The following ATG2B variants were observed in gnomAD, a reference collection of about 807,000 sequenced individuals.
ATG2B encodes autophagy related 2B, also known as autophagy-related protein 2 homolog B.
Under a neutral mutation model 241.3 loss-of-function variants are expected in ATG2B, and 121 were observed. The observed-to-expected ratio is 0.50, with a 90% CI of 0.43 to 0.58. ATG2B has a LOEUF of 0.58. Among genes scored for constraint, ATG2B ranks in the 20% least tolerant of loss-of-function variants. The pLI is 0.00. For synonymous variants in ATG2B, 858 were observed against 876.6 expected (o/e 0.98, Z 0.37); for missense variants, 2,306 against 2,491.6 (o/e 0.93, Z 1.59).
rs1888127683 is a variant in ATG2B at position 96,344,730 on chromosome 14, T to C, written c.505A>G (p.Ile169Val). ...TVLRRVKVTF[I>V]DTVLRIEHVP... is the part of the protein sequence containing the mutation. ...TGTTCAATTCTCAAAACAGTATCTA[T>C]AAAAGTGACTTTTACTCTTCTTAGT... is the stretch of plus-strand genomic sequence containing the variant. Residue 169 changes from isoleucine to valine, a missense_variant, in exon 4 of 42, where the codon ATA becomes GTA. Physicochemically the swap from Ile to Val is conservative, Grantham distance 29. Around this residue, in one of 2 missense-constraint regions of ATG2B, gnomAD observed 1,927 missense variants for 2,011.2 expected, o/e 0.96. Transcript: ENST00000359933. 8 of 1,596,102 alleles carry C rather than the reference T, an allele frequency of 5.0e-6. No homozygotes were observed. The highest frequency in any genetic ancestry group is 6.8e-6 in the Non-Finnish European group (8 of 1,169,796).
chr14:96,286,248 C>T (rs1323009406), intron 41 of ATG2B, among the ~76,000 whole-genome samples: 1 of 152,126 alleles, frequency 6.6e-6, no homozygotes, highest in Non-Finnish European at 1.5e-5. Flanking sequence ...TAAAATTTCG[C>T]ATTGGGAAGA....
rs113781958 is a variant in ATG2B, at chr14:96,329,648, T to C, written c.1731-14A>G. On this transcript the variant is annotated splice_polypyrimidine_tract_variant and intron_variant, in intron 11 of 41. Coordinates refer to ENST00000359933, the MANE Select transcript of ATG2B (RefSeq NM_018036.7). Reference sequence around the variant, plus strand: ...GTACCTATAAATCTATTATAAAAAATGCACCATTTAAGATTATTAGTGTTA... The same window carrying C: ...GTACCTATAAATCTATTATAAAAAACGCACCATTTAAGATTATTAGTGTTA... The C allele has an allele frequency of 2.0e-3, 3,102 of 1,553,720 alleles. 63 individuals carry two copies. In the African/African-American group the frequency reaches 0.037, roughly 19 times the overall value.
At position 96,284,502 on chromosome 14, in the gene ATG2B, G is replaced by A. The variant is rs1242823997; in HGVS notation, c.*1253C>T. The A allele has an allele frequency of 6.6e-6, 1 of 152,180 alleles. No individual in the cohort carries two copies. Among genetic ancestry groups the A allele is most frequent in the Non-Finnish European group, 1.5e-5 (1 of 68,034 alleles). The allele number at this position is 152,180 out of a possible 1,614,324, so 9.4% of individuals were successfully genotyped here. ...ATATTCCCCCAACTTTAGAAAACAG[G>A]AAGTCAGGTCATGCAACTTTCAACA... is the stretch of plus-strand genomic sequence containing the variant. On this transcript the variant is annotated 3_prime_UTR_variant, in exon 42 of 42. Coordinates refer to ENST00000359933, the MANE Select transcript of ATG2B (RefSeq NM_018036.7).
intron 11 of ATG2B, 140 bp downstream of exon 11, chr14:96,331,231 TCATTC>T: frequency 1.3e-6 from 1 of 795,070 alleles, no homozygotes; most frequent in Non-Finnish European, 2.0e-6. Flanking sequence ...AAAACTTCAC[TCATTC>T]CATTCATTTA....
Position 96,303,113 on chromosome 14 carries a change from A to G in ATG2B, c.4985T>C (p.Phe1662Ser), listed in dbSNP as rs1279849583. The G allele has an allele frequency of 5.0e-6, 8 of 1,612,072 alleles. No homozygotes were observed. The highest frequency in any genetic ancestry group is 6.8e-6 in the Non-Finnish European group (8 of 1,179,136). The change falls in exon 33 of 42, where the codon TTT becomes TCT. Residue 1662 changes from phenylalanine to serine, a missense_variant. By Grantham distance (155) the Phe-to-Ser change is radical (BLOSUM62 -2). This residue lies in a region of ATG2B where 1,927 missense variants were observed against 2,011.2 expected (regional missense o/e 0.96). Transcript: ENST00000359933. ...DRLATSQMNK[F>S]LYLYCSKEMP... is the part of the protein sequence containing the mutation. ...TTCTTTACTGCAATACAGGTATAAA[A>G]ATTTATTCATTTGTGATGTTGCCAA...
intron 1 of ATG2B, among the ~76,000 whole-genome samples, chr14:96,349,952 T>A (rs1229447968): frequency 1.3e-5 from 2 of 152,128 alleles, no homozygotes; most frequent in African/African-American, 2.4e-5. Context: ...GCTGAGCAGT[T>A]TGAGACCAGC....
intron 14 of ATG2B, among the ~76,000 whole-genome samples, chr14:96,326,202 A>C (rs1256193390): frequency 6.6e-6 from 1 of 152,222 alleles, no homozygotes; most frequent in Non-Finnish European, 1.5e-5. Flanking sequence ...ACTATATATT[A>C]ATATTTATCT....
intron 14 of ATG2B, among the ~76,000 whole-genome samples, chr14:96,327,205 C>T (rs959901585): frequency 1.8e-4 from 27 of 147,154 alleles, no homozygotes; most frequent in African/African-American, 6.3e-4. Context: ...GACAGCACTG[C>T]GGTCTGGGCA....
At chr14:96,347,719 G>A (rs1379972173) in intron 1 of ATG2B, among the ~76,000 whole-genome samples, 1 of 152,144 alleles carries the variant, frequency 6.6e-6, no homozygotes, top group Non-Finnish European at 1.5e-5. Flanking sequence ...TGGCAAACAG[G>A]CATGTGAAAA....
rs1318125752 is a variant in ATG2B at position 96,309,610 on chromosome 14, C to T, written c.4162-16G>A. 3 of 1,582,420 alleles carry T rather than the reference C, an allele frequency of 1.9e-6. No individual in the cohort carries two copies. The highest frequency in any genetic ancestry group is 2.6e-6 in the Non-Finnish European group (3 of 1,162,760). ...TGGAATCTACCTATAGCCAAAAAAC[C>T]TAATTAAAAATAACTGAAAATGCTC... On this transcript the variant is annotated splice_polypyrimidine_tract_variant and intron_variant, in intron 28 of 41. Transcript: ENST00000359933.
intron 3 of ATG2B, among the ~76,000 whole-genome samples, chr14:96,345,009 C>T (rs1051297834): frequency 6.6e-6 from 1 of 151,544 alleles, no homozygotes; most frequent in Non-Finnish European, 1.5e-5. Flanking sequence ...CTAATCCATT[C>T]ACTATGCAAG....
intron 25 of ATG2B, 51 bp downstream of exon 25, chr14:96,313,014 G>T: frequency 8.9e-7 from 1 of 1,128,494 alleles, no homozygotes; most frequent in Non-Finnish European, 1.3e-6. Context: ...AATATCAATT[G>T]GTATGTTTCG....
chr14:96,301,461 T>C (rs986447173), intron 34 of ATG2B, among the ~76,000 whole-genome samples: 16 of 152,210 alleles, frequency 1.1e-4, no homozygotes, highest in African/African-American at 3.9e-4. Flanking sequence ...TTTAAACAGA[T>C]CGCTGGGTCA....
chr14:96,338,742 T>G (rs1444563941), intron 6 of ATG2B, among the ~76,000 whole-genome samples: 1 of 152,156 alleles, frequency 6.6e-6, no homozygotes, highest in Non-Finnish European at 1.5e-5. Context: ...AAAGAATTCA[T>G]GACTAAGACC....
chr14:96,363,041 G>C lies in ATG2B; in HGVS notation c.-65C>G, dbSNP rs979081384. On this transcript the variant is annotated 5_prime_UTR_variant, in exon 1 of 42. Coordinates refer to ENST00000359933, the MANE Select transcript of ATG2B (RefSeq NM_018036.7). The stretch of plus-strand genomic sequence containing the variant: ...GCGACGGCTCCGGCCTCGGGGTAGC[G>C]ACTCCGGCTCCAGGCCGCGGCGGGG... 6.3e-7 allele frequency: 1 copy of C among 1,588,472 alleles called. No individual in the cohort carries two copies. Among genetic ancestry groups the C allele is most frequent in the Non-Finnish European group, 8.6e-7 (1 of 1,162,010 alleles).
At chr14:96,309,135 C>T (rs142773473) in intron 29 of ATG2B, among the ~76,000 whole-genome samples, 63 of 152,314 alleles carry the variant, frequency 4.1e-4, no homozygotes, top group Non-Finnish European at 6.6e-4. Context: ...AGAGGATATA[C>T]CACAGTTGAA....
Position 96,317,157 on chromosome 14 carries a change from G to T in ATG2B, c.3198C>A (p.Phe1066Leu). Reference protein sequence around the residue: ...LNINHGLIAVFTDVKQDNGDL... With the variant: ...LNINHGLIAVLTDVKQDNGDL... ...TTGTAAACCTCACCTTCACATCTGTGAACACTGCTATTAATCCATGATTAA... is the reference window on the plus strand; with the variant it reads ...TTGTAAACCTCACCTTCACATCTGTTAACACTGCTATTAATCCATGATTAA... Residue 1066 changes from phenylalanine (F) to leucine (L), a missense_variant, in exon 20 of 42, where the codon TTC (phenylalanine) becomes TTA (leucine). Coordinates refer to ENST00000359933, the MANE Select transcript of ATG2B (RefSeq NM_018036.7). The T allele has an allele frequency of 1.2e-6, 2 of 1,610,886 alleles. No homozygotes were observed. Among genetic ancestry groups the T allele is most frequent in the South Asian group, 2.2e-5 (2 of 90,224 alleles).
intron 2 of ATG2B, among the ~76,000 whole-genome samples, chr14:96,345,737 T>A (rs1888153822): frequency 6.6e-6 from 1 of 152,176 alleles, no homozygotes; most frequent in South Asian, 2.1e-4. Flanking sequence ...ACATACTTTT[T>A]TCTGTAAAGG....
intron 5 of ATG2B, 80 bp downstream of exon 5, chr14:96,343,039 C>T (rs1433792931): frequency 9.0e-7 from 1 of 1,112,312 alleles, no homozygotes; most frequent in African/African-American, 1.6e-5. Context: ...TATTATACAT[C>T]CTAGCAAAAT....
Sources: gnomAD v4.1 joint callset for allele counts (sites outside exome capture counted in the v4.1 genomes callset) on GRCh38, gnomAD v4.1.1 for gene constraint, gnomAD v4.1.1 regional missense constraint, MANE v1.5 for transcripts, NCBI Gene and HGNC (gene_info 2026-07-23, HGNC 2026-07-21) for gene names.